The following ABCA13 variants were observed in gnomAD, a reference collection of about 807,000 sequenced individuals.
The protein encoded by ABCA13 is ATP binding cassette subfamily A member 13, also known as ATP-binding cassette sub-family A member 13.
In ABCA13, 476 loss-of-function variants were observed where a neutral mutation model predicts 478.7. The ratio of observed to expected loss-of-function variants is 0.99; its 90% confidence interval spans 0.92 to 1.07. ABCA13 has a LOEUF of 1.07. Ranked by LOEUF, ABCA13 falls within the 50% of genes least tolerant of loss-of-function variation. The probability of loss-of-function intolerance (pLI) is 0.00; values close to 1 mark genes in which losing one functional copy is unlikely to be tolerated. For synonymous variants in ABCA13, 2,252 were observed against 2,158.9 expected, an observed-to-expected ratio of 1.04 and a Z score of -1.20; for missense variants, 6,060 against 5,910.6, an observed-to-expected ratio of 1.03 and a Z score of -0.83.
In ABCA13 at chr7:48,180,678, C is replaced by T. The variant is rs140136462; in HGVS notation, c.69+9126C>T. 1.2e-3 allele frequency among the ~76,000 whole-genome samples: 186 copies of T among 152,262 alleles called. 1 individual carries two copies. The highest frequency in any genetic ancestry group is 4.2e-3 in the African/African-American group (176 of 41,554). On this transcript the variant is annotated intron_variant, in intron 1 of 61. Coordinates refer to ENST00000435803, the MANE Select transcript of ABCA13 (RefSeq NM_152701.5). The stretch of plus-strand genomic sequence containing the variant: ...CTGACCTCAGGTGATCCATCTGCCT[C>T]GGCCTCCCAAAGTGTTGGGATTACA...
intron 13 of ABCA13, among the ~76,000 whole-genome samples, chr7:48,247,223 G>C (rs1471021305): frequency 1.3e-5 from 2 of 151,986 alleles, no homozygotes; most frequent in Non-Finnish European, 2.9e-5. Context: ...GGGTGACAAT[G>C]TGAGACCCTA....
At chr7:48,189,001 G>A (rs1796731108) in intron 1 of ABCA13, among the ~76,000 whole-genome samples, 1 of 152,112 alleles carries the variant, frequency 6.6e-6, no homozygotes, top group Non-Finnish European at 1.5e-5. Flanking sequence ...TGGTGGTTTG[G>A]TAGTGGGGGC....
intron 5 of ABCA13, among the ~76,000 whole-genome samples, chr7:48,222,531 C>T (rs1787519984): frequency 6.6e-6 from 1 of 152,070 alleles, no homozygotes; most frequent in East Asian, 1.9e-4. Context: ...ATTCAAATTT[C>T]CCAAAGTAAG....
chr7:48,482,182 A>G (rs1458158024), intron 46 of ABCA13, among the ~76,000 whole-genome samples: 3 of 152,146 alleles, frequency 2.0e-5, no homozygotes, highest in African/African-American at 4.8e-5. Flanking sequence ...CAGCAAATAG[A>G]CAATAAAACC....
intron 42 of ABCA13, among the ~76,000 whole-genome samples, chr7:48,430,595 A>AC (rs1463591637): frequency 6.8e-6 from 1 of 147,362 alleles, no homozygotes; most frequent in East Asian, 2.0e-4. Context: ...AATTGCTTGG[A>AC]CCCGGGAGGC....
At chr7:48,421,680 C>T (rs1227846913) in intron 41 of ABCA13, among the ~76,000 whole-genome samples, 1 of 152,204 alleles carries the variant, frequency 6.6e-6, no homozygotes, top group Non-Finnish European at 1.5e-5. Context: ...GCTCAATACG[C>T]TCATGGTGAT....
At chr7:48,451,355 A>G (rs1825011689) in intron 42 of ABCA13, among the ~76,000 whole-genome samples, 1 of 152,142 alleles carries the variant, frequency 6.6e-6, no homozygotes, top group South Asian at 2.1e-4. Context: ...TATTATTTAT[A>G]ATAAAACTCT....
In ABCA13 at chr7:48,516,886, G is replaced by A. The variant is rs1374438428; in HGVS notation, c.13797+5G>A. 2 of 1,612,906 alleles carry A rather than the reference G, an allele frequency of 1.2e-6. No homozygotes were observed. Among genetic ancestry groups the A allele is most frequent in the East Asian group, 4.5e-5 (2 of 44,818 alleles). ...GCCATCATCTCCAAAGCTAAGGTCA[G>A]TAGCTTTGTAGCATCACCTCTACAC... On this transcript the variant is annotated splice_donor_5th_base_variant and intron_variant, in intron 52 of 61. Coordinates refer to ENST00000435803, the MANE Select transcript of ABCA13 (RefSeq NM_152701.5).
intron 45 of ABCA13, 142 bp downstream of exon 45, chr7:48,471,741 A>T (rs530537817): frequency 1.3e-5 from 10 of 761,482 alleles, no homozygotes; most frequent in Non-Finnish European, 2.1e-5. Flanking sequence ...TTCTGGGAAA[A>T]GTTTTGTCAC....
intron 27 of ABCA13, among the ~76,000 whole-genome samples, chr7:48,330,033 CCA>C (rs1805016952): frequency 2.3e-3 from 6 of 2,612 alleles, no homozygotes; most frequent in African/African-American, 6.3e-3. Flanking sequence ...ATCTATTTAT[CCA>C]TCCATCCATC....
At chr7:48,454,935 T>A in intron 42 of ABCA13, 102 bp from the exon 43 acceptor site, 2 of 1,398,280 alleles carry the variant, frequency 1.4e-6, no homozygotes, top group Non-Finnish European at 1.9e-6. Flanking sequence ...CGCATTCCCA[T>A]GGCTGCGAGA....
At chr7:48,619,463 G>A (rs890234200) in intron 59 of ABCA13, among the ~76,000 whole-genome samples, 21 of 152,240 alleles carry the variant, frequency 1.4e-4, no homozygotes, top group Admixed American at 5.2e-4. Context: ...TCTTTTGCTC[G>A]TAAAACTGAG....
chr7:48,634,625 G>A (rs1210765126), intron 59 of ABCA13, among the ~76,000 whole-genome samples: 2 of 150,950 alleles, frequency 1.3e-5, no homozygotes, highest in Non-Finnish European at 3.0e-5. Context: ...TTATATTCTT[G>A]ATTTTATCAA....
At position 48,410,520 on chromosome 7, in the gene ABCA13, G is replaced by T. The variant is rs751830402; in HGVS notation, c.12071G>T (p.Gly4024Val). 3.1e-6 allele frequency: 5 copies of T among 1,614,036 alleles called. No homozygotes were observed. Among genetic ancestry groups the T allele is most frequent in the Non-Finnish European group, 3.4e-6 (4 of 1,179,878 alleles). The part of the protein sequence containing the change: ...LWDILLKYRE[G>V]RTIIFTTHHL... Reference sequence around the variant, plus strand: ...TGATGCACCCTGTGCTTGGACCCAGGTCGTACGATCATCTTCACAACCCAC... The same window carrying T: ...TGATGCACCCTGTGCTTGGACCCAGTTCGTACGATCATCTTCACAACCCAC... Residue 4024 changes from glycine to valine, a missense_variant and splice_region_variant, in exon 40 of 62, where the codon GGT (glycine) becomes GTT (valine). By Grantham distance (109) the Gly-to-Val change is moderately radical. Around this residue, in one of 3 missense-constraint regions of ABCA13, gnomAD observed 1,627 missense variants for 1,571.0 expected, o/e 1.04. Transcript: ENST00000435803.
At chr7:48,506,037 A>G (rs1052162913) in intron 48 of ABCA13, among the ~76,000 whole-genome samples, 2 of 152,142 alleles carry the variant, frequency 1.3e-5, no homozygotes, top group Non-Finnish European at 2.9e-5. Flanking sequence ...AGGCTATGGG[A>G]TACTTATGAG....
At chr7:48,470,564 G>A (rs1278126157) in intron 44 of ABCA13, among the ~76,000 whole-genome samples, 1 of 152,164 alleles carries the variant, frequency 6.6e-6, no homozygotes, top group Non-Finnish European at 1.5e-5. Flanking sequence ...GTCCCTATAA[G>A]CTAGTCAGCC....
At chr7:48,422,055 CAAAAAAA>C (rs4022355) in intron 41 of ABCA13, among the ~76,000 whole-genome samples, 25 of 80,570 alleles carry the variant, frequency 3.1e-4, no homozygotes, top group South Asian at 2.1e-3. Context: ...GTCTTTCTTA[CAAAAAAA>C]AAAAAAAAAA....
chr7:48,532,158 CTTAAG>C (rs899540104), intron 55 of ABCA13, among the ~76,000 whole-genome samples: 2 of 151,710 alleles, frequency 1.3e-5, no homozygotes, highest in Non-Finnish European at 3.0e-5. Context: ...CTTTTAATAC[CTTAAG>C]TTATGTCCCT....
intron 3 of ABCA13, among the ~76,000 whole-genome samples, chr7:48,218,742 A>G (rs1374863699): frequency 6.6e-6 from 1 of 152,136 alleles, no homozygotes; most frequent in Non-Finnish European, 1.5e-5. Context: ...AAGGCATTGA[A>G]TTTATTTTAT....
Sources: allele counts gnomAD v4.1 joint callset (sites outside exome capture counted in the v4.1 genomes callset), GRCh38; gene constraint gnomAD v4.1.1; regional missense constraint gnomAD v4.1.1; transcripts MANE v1.5; gene names NCBI Gene and HGNC (gene_info 2026-07-23, HGNC 2026-07-21).